Variants in SLC25A48 observed in about 807,000 individuals in gnomAD.
SLC25A48 encodes the protein solute carrier family 25 member 48, also known as CTC-321K16.1.
In SLC25A48, 29 loss-of-function variants were observed where a neutral mutation model predicts 32.2. The ratio of observed to expected loss-of-function variants is 0.90; its 90% CI spans 0.67 to 1.23. The LOEUF is 1.23. Among genes scored for constraint, SLC25A48 ranks in the 50% most tolerant of loss-of-function variants. SLC25A48 has a pLI of 0.00. For missense variants in SLC25A48, 399 were observed against 422.7 expected, an observed-to-expected ratio of 0.94 and a Z score of 0.49; for synonymous variants, 164 against 172.3, an observed-to-expected ratio of 0.95 and a Z score of 0.38.
chr5:135,662,126 C>T (rs1753417338), intron 3 of SLC25A48, among the ~76,000 whole-genome samples: 1 of 152,156 alleles, frequency 6.6e-6, no homozygotes, highest in African/African-American at 2.4e-5. Context: ...TGATTTTTGT[C>T]AGACTGCTAG....
intron 3 of SLC25A48, among the ~76,000 whole-genome samples, chr5:135,683,458 T>C (rs535519431): frequency 6.6e-6 from 1 of 152,324 alleles, no homozygotes; most frequent in South Asian, 2.1e-4. Flanking sequence ...TGATCCCTCT[T>C]GGCATGTTGC....
intron 1 of SLC25A48, among the ~76,000 whole-genome samples, chr5:135,580,560 G>A (rs148751148): frequency 2.0e-5 from 3 of 152,298 alleles, no homozygotes; most frequent in African/African-American, 7.2e-5. Flanking sequence ...AGCAAGCAGC[G>A]CCTATGCGTG....
intron 3 of SLC25A48, among the ~76,000 whole-genome samples, chr5:135,790,923 G>A (rs529123842): frequency 7.7e-6 from 1 of 129,268 alleles, no homozygotes; most frequent in Non-Finnish European, 1.7e-5. Flanking sequence ...GTGTTCGGGG[G>A]ATGTTGCTCC....
At chr5:135,864,234 G>T (rs1761023486) in intron 4 of SLC25A48, among the ~76,000 whole-genome samples, 1 of 152,176 alleles carries the variant, frequency 6.6e-6, no homozygotes, top group South Asian at 2.1e-4. Context: ...CCTCAGAGTT[G>T]CCTGGCTGGG....
At chr5:135,662,274 G>A (rs1753423310) in intron 3 of SLC25A48, among the ~76,000 whole-genome samples, 1 of 152,172 alleles carries the variant, frequency 6.6e-6, no homozygotes, top group Non-Finnish European at 1.5e-5. Flanking sequence ...AGGATACGCT[G>A]CCTGCCTGGC....
chr5:135,796,260 G>A (rs1040079768), intron 3 of SLC25A48, among the ~76,000 whole-genome samples: 3 of 151,210 alleles, frequency 2.0e-5, no homozygotes, highest in African/African-American at 4.9e-5. Flanking sequence ...ACATCACGCC[G>A]CGATGTGGTT....
At chr5:135,773,596 C>T (rs184225954) in intron 3 of SLC25A48, among the ~76,000 whole-genome samples, 14 of 151,596 alleles carry the variant, frequency 9.2e-5, no homozygotes. Context: ...AGAGTACACC[C>T]TTTTAGATAT....
chr5:135,598,998 T>G (rs1430289551), intron 1 of SLC25A48, among the ~76,000 whole-genome samples: 2 of 151,790 alleles, frequency 1.3e-5, no homozygotes, highest in African/African-American at 4.8e-5. Flanking sequence ...TGGCAGTGAG[T>G]GAAGGAGGGG....
chr5:135,870,906 TATAA>T (rs1428254011), intron 4 of SLC25A48, among the ~76,000 whole-genome samples: 1 of 151,192 alleles, frequency 6.6e-6, no homozygotes, highest in East Asian at 1.9e-4. Context: ...TTTATAAAAT[TATAA>T]ATATTAAATT....
At chr5:135,707,027 T>C (rs1182934213) in intron 3 of SLC25A48, among the ~76,000 whole-genome samples, 1 of 152,062 alleles carries the variant, frequency 6.6e-6, no homozygotes. Flanking sequence ...AGTGAGTGGA[T>C]GAGTGGGCTT....
At chr5:135,738,563 A>G (rs1755431570) in intron 3 of SLC25A48, among the ~76,000 whole-genome samples, 1 of 152,138 alleles carries the variant, frequency 6.6e-6, no homozygotes, top group South Asian at 2.1e-4. Context: ...ATAGGTGAAG[A>G]CTGGTTTAGT....
rs57138043 is a variant in SLC25A48, at chr5:135,611,496, C to CAAAAAAAAAAAAAAA, written c.-848-17724_-848-17710dup. ...TCGGTGACAGAGCGAGACTCCATCTCAAAAAAAAAAAAAAAAAAAAAAAAA... is the reference window on the plus strand; with the variant it reads ...TCGGTGACAGAGCGAGACTCCATCTCAAAAAAAAAAAAAAAAAAAAAAAAAAAAAAAAAAAAAAAA... On this transcript the variant is annotated intron_variant, in intron 1 of 10. Transcript: ENST00000646290. Among the ~76,000 whole-genome samples the CAAAAAAAAAAAAAAA allele has an allele frequency of 2.4e-3, 51 of 21,348 alleles. 4 individuals are homozygous for CAAAAAAAAAAAAAAA. The highest frequency in any genetic ancestry group is 0.05 in the Middle Eastern group (1 of 20). The allele number at this position is 21,348 out of a possible 152,430, so 14.0% of individuals were successfully genotyped here.
intron 3 of SLC25A48, chr5:135,652,347 C>A (rs577786215): frequency 2.2e-6 from 1 of 455,322 alleles, no homozygotes. Context: ...TTCTAGAAAT[C>A]GACTTACCTT....
At chr5:135,607,977 C>T (rs1437696099) in intron 1 of SLC25A48, among the ~76,000 whole-genome samples, 1 of 152,168 alleles carries the variant, frequency 6.6e-6, no homozygotes, top group East Asian at 1.9e-4. Flanking sequence ...GGAGACTATA[C>T]TTGTTTTCAT....
At chr5:135,583,171 A>AGTGTGTGT (rs35679412) in intron 1 of SLC25A48, among the ~76,000 whole-genome samples, 3,448 of 150,510 alleles carry the variant, frequency 0.023, 45 homozygotes, top group African/African-American at 0.036. Flanking sequence ...CATGTGAGAA[A>AGTGTGTGT]GTGTGTGTGC....
At position 135,649,749 on chromosome 5, in the gene SLC25A48, G is replaced by A. The variant is rs779752173; in HGVS notation, c.-521+14793G>A. On this transcript the variant is annotated intron_variant, in intron 3 of 10. Coordinates refer to the SLC25A48 transcript ENST00000646290. Reference sequence around the variant, plus strand: ...GTGAGGGAATACAGGCATTGAAGATGCACATGCAGGGTTTCTTTGACTATG... The same window carrying A: ...GTGAGGGAATACAGGCATTGAAGATACACATGCAGGGTTTCTTTGACTATG... 27 of 152,962 alleles carry A rather than the reference G, an allele frequency of 1.8e-4. 1 individual carries two copies. The highest frequency in any genetic ancestry group is 1.7e-4 in the Non-Finnish European group (12 of 68,664). The allele number at this position is 152,962 out of a possible 1,614,324, so 9.5% of individuals were successfully genotyped here.
chr5:135,773,474 A>G (rs761197850), intron 3 of SLC25A48, among the ~76,000 whole-genome samples: 32 of 151,450 alleles, frequency 2.1e-4, no homozygotes, highest in Non-Finnish European at 3.8e-4. Context: ...ATTGTTCATA[A>G]TATCCAGAAA....
chr5:135,697,196 C>T (rs1029006608), intron 3 of SLC25A48, among the ~76,000 whole-genome samples: 1 of 152,056 alleles, frequency 6.6e-6, no homozygotes, highest in Non-Finnish European at 1.5e-5. Context: ...TAAGAGACTC[C>T]GAGGAAGGAA....
At chr5:135,785,408 G>A (rs1056588507) in intron 3 of SLC25A48, among the ~76,000 whole-genome samples, 3 of 151,688 alleles carry the variant, frequency 2.0e-5, no homozygotes, top group Non-Finnish European at 2.9e-5. Context: ...ATCCAGTGGG[G>A]GAAAGGGTGA....
Sources: allele counts gnomAD v4.1 joint callset (sites outside exome capture counted in the v4.1 genomes callset), GRCh38; gene constraint gnomAD v4.1.1; transcripts MANE v1.5; gene names NCBI Gene and HGNC (gene_info 2026-07-23, HGNC 2026-07-21).